Variants in SLC1A1 observed in about 807,000 individuals in gnomAD.
SLC1A1 encodes the protein excitatory amino acid transporter 3.
A neutral mutation model predicts 53.3 loss-of-function variants in SLC1A1; 43 were observed. The ratio of observed to expected loss-of-function variants is 0.81; its 90% CI spans 0.63 to 1.04. SLC1A1 has a LOEUF of 1.04. Ranked by LOEUF, SLC1A1 falls within the 50% of genes least tolerant of loss-of-function variation. The pLI, the probability that SLC1A1 is intolerant of heterozygous loss-of-function variation, is 0.00. For missense variants in SLC1A1, 748 were observed against 664.9 expected, an observed-to-expected ratio of 1.12 and a Z score of -1.37; for synonymous variants, 307 against 243.2, an observed-to-expected ratio of 1.26 and a Z score of -2.44.
At chr9:4,505,085 C>T (rs79679299) in intron 1 of SLC1A1, among the ~76,000 whole-genome samples, 1,397 of 122,532 alleles carry the variant, frequency 0.011, 23 homozygotes, top group African/African-American at 0.041. Context: ...CTCACTATGT[C>T]GCCCAGGCTG....
chr9:4,535,007 A>G (rs529500624), intron 1 of SLC1A1, among the ~76,000 whole-genome samples: 9 of 152,182 alleles, frequency 5.9e-5, no homozygotes, highest in African/African-American at 1.7e-4. Context: ...AAATTCAACA[A>G]CCCTTCATTC....
chr9:4,556,056 T>C lies in SLC1A1; in HGVS notation c.233-5393T>C, dbSNP rs1818348362. 6.6e-6 allele frequency among the ~76,000 whole-genome samples: 1 copy of C among 151,820 alleles called. No individual in the cohort carries two copies. The highest frequency in any genetic ancestry group is 1.5e-5 in the Non-Finnish European group (1 of 67,978). The stretch of plus-strand genomic sequence containing the variant: ...CAGGCTGAAGTGCAGTGGCATGATA[T>C]CGGCTCACTGCAACCTCCACCTCCC... On this transcript the variant is annotated intron_variant, in intron 2 of 11. Transcript: ENST00000262352. The surrounding 1 kb of genome is among the most constrained non-coding windows in gnomAD (Gnocchi z 4.1).
At chr9:4,539,825 C>T (rs548579925) in intron 1 of SLC1A1, among the ~76,000 whole-genome samples, 1 of 152,138 alleles carries the variant, frequency 6.6e-6, no homozygotes, top group African/African-American at 2.4e-5. Context: ...CTGCCTTGGC[C>T]TCCCAAAGTG....
intron 8 of SLC1A1, among the ~76,000 whole-genome samples, chr9:4,574,482 G>C (rs929004769): frequency 6.6e-6 from 1 of 152,162 alleles, no homozygotes; most frequent in African/African-American, 2.4e-5. Context: ...TGCTGGGGCT[G>C]TTAACCACCA....
Position 4,495,921 on chromosome 9 carries a change from C to T in SLC1A1, c.91+5151C>T, listed in dbSNP as rs566236790. Among the ~76,000 whole-genome samples, 19 of 152,192 alleles carry T rather than the reference C, an allele frequency of 1.2e-4. No individual in the cohort carries two copies. The East Asian group carries it at 1.5e-3, about 12-fold the overall frequency. On this transcript the variant is annotated intron_variant, in intron 1 of 11. Transcript: ENST00000262352. ...TTGGAAAAGAACATGGCATGTTCCA[C>T]GGTGGACGTGTTGAGTTTGAGGAGC...
At chr9:4,500,765 T>C (rs1726618256) in intron 1 of SLC1A1, among the ~76,000 whole-genome samples, 1 of 152,278 alleles carries the variant, frequency 6.6e-6, no homozygotes, top group African/African-American at 2.4e-5. Flanking sequence ...TTTTCAGAAA[T>C]TTTACTACTT....
intron 1 of SLC1A1, among the ~76,000 whole-genome samples, chr9:4,496,394 CT>C (rs1255181386): frequency 6.6e-6 from 1 of 151,828 alleles, no homozygotes; most frequent in African/African-American, 2.4e-5. Context: ...ATTTTTCTTT[CT>C]TTTTTTAAGA....
rs1209570811 is a variant in SLC1A1, at chr9:4,585,450, C to G, written c.1467C>G (p.Ser489=). 1 of 1,614,176 alleles carries G rather than the reference C, an allele frequency of 6.2e-7. No individual in the cohort carries two copies. The highest frequency in any genetic ancestry group is 8.5e-7 in the Non-Finnish European group (1 of 1,180,034). The change falls in exon 12 of 12, where the codon TCC becomes TCG. Residue 489 remains serine (S), a synonymous_variant. Transcript: ENST00000262352. ...TTGTGAATCCCTTTGCCTTGGAATC[C>G]ACAATCCTTGACAACGAAGACTCAG... is the stretch of plus-strand genomic sequence containing the variant. ...VNIVNPFALE[S]TILDNEDSDT...
chr9:4,516,730 T>G (rs1821173362), intron 1 of SLC1A1, among the ~76,000 whole-genome samples: 1 of 152,214 alleles, frequency 6.6e-6, no homozygotes, highest in Admixed American at 6.5e-5. Context: ...TCATTATCCT[T>G]AAAAACTAAT....
chr9:4,550,990 C>A (rs1234227074), intron 2 of SLC1A1, among the ~76,000 whole-genome samples: 1 of 152,078 alleles, frequency 6.6e-6, no homozygotes, highest in Admixed American at 6.5e-5. Context: ...CAGGAGCTGA[C>A]CCCTGCCCAG....
chr9:4,576,244 G>T lies in SLC1A1; in HGVS notation c.998+121G>T, dbSNP rs956127413. 7 of 954,596 alleles carry T rather than the reference G, an allele frequency of 7.3e-6. No homozygotes were observed. In the African/African-American group the frequency reaches 1.1e-4, roughly 15 times the overall value. 59.1% of individuals were successfully genotyped at this position (954,596 alleles called of 1,614,324 possible). ...TAGCTGTCTTTGAGAAATGACCTCC[G>T]TATTCTCGGCCCCTGGCCCTGAACA... On this transcript the variant is annotated intron_variant, in intron 9 of 11. Transcript: ENST00000262352.
intron 1 of SLC1A1, among the ~76,000 whole-genome samples, chr9:4,542,610 T>C (rs1316840497): frequency 1.3e-5 from 2 of 152,204 alleles, no homozygotes; most frequent in African/African-American, 4.8e-5. Context: ...AAAAATTTAC[T>C]TGAAGCAACC....
chr9:4,502,898 G>A (rs1207829366), intron 1 of SLC1A1, among the ~76,000 whole-genome samples: 1 of 151,508 alleles, frequency 6.6e-6, no homozygotes, highest in Non-Finnish European at 1.5e-5. Context: ...TTTCCGCTAC[G>A]CTTCTCCTAC....
At chr9:4,506,793 C>T (rs555667815) in intron 1 of SLC1A1, among the ~76,000 whole-genome samples, 2 of 152,180 alleles carry the variant, frequency 1.3e-5, no homozygotes, top group Non-Finnish European at 2.9e-5. Context: ...GTTGGCAGAT[C>T]ACAGTGTGTG....
chr9:4,503,494 A>T (rs1363688724), intron 1 of SLC1A1, among the ~76,000 whole-genome samples: 1 of 151,828 alleles, frequency 6.6e-6, no homozygotes, highest in African/African-American at 2.4e-5. Flanking sequence ...AGGCTGCAGC[A>T]TGCTGTGGGC....
chr9:4,543,392 GTA>G (rs1215498605), intron 1 of SLC1A1, among the ~76,000 whole-genome samples: 4 of 152,272 alleles, frequency 2.6e-5, no homozygotes, highest in African/African-American at 9.6e-5. Flanking sequence ...ATAAGAGTGT[GTA>G]TATTGGGAGA....
chr9:4,492,801 GAA>G (rs34631013), intron 1 of SLC1A1, among the ~76,000 whole-genome samples: 31 of 141,298 alleles, frequency 2.2e-4, no homozygotes, highest in Admixed American at 8.5e-4. Context: ...TGTCTAAAAA[GAA>G]AAAAAAAAAA....
At chr9:4,542,015 T>C (rs1817055728) in intron 1 of SLC1A1, among the ~76,000 whole-genome samples, 1 of 152,174 alleles carries the variant, frequency 6.6e-6, no homozygotes, top group Admixed American at 6.5e-5. Context: ...GAGACCAAGA[T>C]AAAGCACACC....
chr9:4,567,844 C>T, intron 6 of SLC1A1, 77 bp downstream of exon 6: 1 of 930,048 alleles, frequency 1.1e-6, no homozygotes, highest in Non-Finnish European at 1.8e-6. Context: ...TACAATCAAT[C>T]CTCGTCATTC....
Sources: gnomAD v4.1 joint callset for allele counts (sites outside exome capture counted in the v4.1 genomes callset) on GRCh38, gnomAD v4.1.1 for gene constraint, Gnocchi (gnomAD v3.1) non-coding constraint, MANE v1.5 for transcripts, NCBI Gene and HGNC (gene_info 2026-07-23, HGNC 2026-07-21) for gene names.